Variants in FAM193A observed in about 807,000 individuals in gnomAD.
The protein encoded by FAM193A is protein FAM193A.
Under a neutral mutation model 126.5 loss-of-function variants are expected in FAM193A, and 22 were observed. The observed-to-expected ratio is 0.17, with a 90% confidence interval of 0.12 to 0.25. The LOEUF (loss-of-function observed/expected upper bound fraction) is 0.25, where lower values mean the gene tolerates loss of function less well. Ranked by LOEUF, FAM193A falls within the 10% of genes least tolerant of loss-of-function variation. FAM193A has a pLI of 1.00. For synonymous variants in FAM193A, 761 were observed against 646.8 expected (o/e 1.18, Z -2.68); for missense variants, 1,675 against 1,672.8 (o/e 1.00, Z -0.02).
chr4:2,571,117 G>A (rs561056283), intron 1 of FAM193A, among the ~76,000 whole-genome samples: 3 of 152,230 alleles, frequency 2.0e-5, no homozygotes, highest in South Asian at 4.2e-4. Context: ...GACTCCCTCC[G>A]CGGCCCCAGC....
rs144331846 is a variant in FAM193A, at chr4:2,546,925, A to G, written c.255+9755A>G. Reference sequence around the variant, plus strand: ...ATCCTTGCTAGCACTTGAGATTTTCAGTGGTTTTTGTTTACACTATTATTA... The same window carrying G: ...ATCCTTGCTAGCACTTGAGATTTTCGGTGGTTTTTGTTTACACTATTATTA... On this transcript the variant is annotated intron_variant, in intron 1 of 20. Coordinates refer to ENST00000637812, the MANE Select transcript of FAM193A (RefSeq NM_001366318.2). Among the ~76,000 whole-genome samples the G allele has an allele frequency of 9.5e-3, 1,451 of 152,198 alleles. 29 individuals carry two copies. Among genetic ancestry groups the G allele is most frequent in the African/African-American group, 0.033 (1,361 of 41,518 alleles).
At chr4:2,633,164 G>A (rs530687070) in intron 5 of FAM193A, among the ~76,000 whole-genome samples, 78 of 152,186 alleles carry the variant, frequency 5.1e-4, no homozygotes, top group African/African-American at 1.6e-3. Context: ...TTGGGAGGCC[G>A]AGGCAGGCAG....
chr4:2,563,103 C>T (rs1156540457), intron 1 of FAM193A, among the ~76,000 whole-genome samples: 2 of 151,926 alleles, frequency 1.3e-5, no homozygotes, highest in South Asian at 4.2e-4. Context: ...TGCCACCATG[C>T]CCAGCTAATT....
At chr4:2,557,082 A>G (rs1365426507) in intron 1 of FAM193A, among the ~76,000 whole-genome samples, 1 of 152,188 alleles carries the variant, frequency 6.6e-6, no homozygotes, top group South Asian at 2.1e-4. Flanking sequence ...TTTTTCCTAT[A>G]TATAGTACCT....
chr4:2,711,183 G>T (rs1268110691), intron 19 of FAM193A, among the ~76,000 whole-genome samples: 4 of 151,648 alleles, frequency 2.6e-5, no homozygotes, highest in African/African-American at 7.3e-5. Context: ...CTTTCTTGGG[G>T]TTTTTTCTAA....
At chr4:2,725,450 C>CAAAAAA (rs71644355) in intron 20 of FAM193A, among the ~76,000 whole-genome samples, 1 of 31,780 alleles carries the variant, frequency 3.1e-5, no homozygotes, top group Non-Finnish European at 7.0e-5. Flanking sequence ...ACCCTGTCTC[C>CAAAAAA]AAAAAAAAAA....
intron 4 of FAM193A, among the ~76,000 whole-genome samples, chr4:2,626,931 G>A (rs552010225): frequency 2.6e-5 from 4 of 152,208 alleles, no homozygotes; most frequent in Non-Finnish European, 5.9e-5. Context: ...AACCCAAGGA[G>A]AAAGGCCGAG....
intron 1 of FAM193A, among the ~76,000 whole-genome samples, chr4:2,561,991 A>G (rs533550504): frequency 1.3e-5 from 2 of 152,314 alleles, no homozygotes; most frequent in African/African-American, 4.8e-5. Flanking sequence ...TTGCTAAGTA[A>G]CTTATCAAAA....
intron 6 of FAM193A, among the ~76,000 whole-genome samples, chr4:2,640,618 A>G (rs1224782915): frequency 6.6e-6 from 1 of 152,226 alleles, no homozygotes; most frequent in Non-Finnish European, 1.5e-5. Flanking sequence ...ACATGTGAGC[A>G]CATTCCCATA....
intron 14 of FAM193A, among the ~76,000 whole-genome samples, chr4:2,689,930 A>G (rs1716169093): frequency 6.6e-6 from 1 of 152,184 alleles, no homozygotes; most frequent in South Asian, 2.1e-4. Context: ...CTCTGGCTCC[A>G]TGGCTGCCCG....
chr4:2,688,529 G>A (rs558775707), intron 13 of FAM193A, among the ~76,000 whole-genome samples: 83 of 152,222 alleles, frequency 5.5e-4, no homozygotes, highest in Non-Finnish European at 4.6e-4. Flanking sequence ...CCAAGGGGAG[G>A]CCTGTGTGTC....
chr4:2,645,134 A>G (rs1745006902), intron 6 of FAM193A, among the ~76,000 whole-genome samples: 1 of 152,130 alleles, frequency 6.6e-6, no homozygotes, highest in African/African-American at 2.4e-5. Flanking sequence ...TAGATGTGCC[A>G]TGATGCATTT....
intron 2 of FAM193A, among the ~76,000 whole-genome samples, chr4:2,602,887 C>T (rs973017070): frequency 1.1e-4 from 16 of 149,092 alleles, no homozygotes; most frequent in African/African-American, 4.0e-4. Flanking sequence ...GTCTGGATCT[C>T]CTGACCTTGT....
intron 19 of FAM193A, among the ~76,000 whole-genome samples, chr4:2,702,462 C>T (rs912877496): frequency 6.6e-6 from 1 of 152,208 alleles, no homozygotes; most frequent in African/African-American, 2.4e-5. Flanking sequence ...TTCAGAAACC[C>T]AGACCTGGAC....
intron 1 of FAM193A, among the ~76,000 whole-genome samples, chr4:2,570,188 T>A (rs1044479575): frequency 2.6e-5 from 4 of 152,122 alleles, no homozygotes; most frequent in African/African-American, 9.7e-5. Context: ...GTTCGTAGTC[T>A]CCACATGCCA....
intron 7 of FAM193A, among the ~76,000 whole-genome samples, chr4:2,650,637 G>T (rs956706679): frequency 6.6e-6 from 1 of 152,160 alleles, no homozygotes; most frequent in Admixed American, 6.5e-5. Context: ...CACGTGAAAG[G>T]CTCCTTAATC....
In FAM193A at chr4:2,654,104, C is replaced by G. The variant is rs531537512; in HGVS notation, c.1312-3699C>G. On this transcript the variant is annotated intron_variant, in intron 7 of 20. Coordinates refer to ENST00000637812, the MANE Select transcript of FAM193A (RefSeq NM_001366318.2). The stretch of plus-strand genomic sequence containing the variant: ...TGAATGAACATTGGTTGCTTCTAAT[C>G]AATAACATTTTAGAAATTTTATACT... 3.9e-5 allele frequency among the ~76,000 whole-genome samples: 6 copies of G among 152,230 alleles called. No individual in the cohort carries two copies. The South Asian group carries it at 1.0e-3, about 26-fold the overall frequency.
rs1578577130 is a variant in FAM193A at position 2,551,025 on chromosome 4, C to T, written c.255+13855C>T. ...CCATGTTAGCCAGGATGGTCTTGAT[C>T]TCTTGACCTCGTGATCCGCCTGCCT... On this transcript the variant is annotated intron_variant, in intron 1 of 20. Transcript: ENST00000637812. 2.0e-5 allele frequency among the ~76,000 whole-genome samples: 3 copies of T among 152,238 alleles called. No individual in the cohort carries two copies. The East Asian group carries it at 5.8e-4, about 29-fold the overall frequency.
At chr4:2,705,069 G>A (rs1024819444) in intron 19 of FAM193A, among the ~76,000 whole-genome samples, 17 of 152,078 alleles carry the variant, frequency 1.1e-4, no homozygotes, top group African/African-American at 3.1e-4. Flanking sequence ...CCACTACCAC[G>A]CCCGGCTAAT....
Sources: allele counts gnomAD v4.1 joint callset (sites outside exome capture counted in the v4.1 genomes callset), GRCh38; gene constraint gnomAD v4.1.1; transcripts MANE v1.5; gene names NCBI Gene and HGNC (gene_info 2026-07-23, HGNC 2026-07-21).